ADAM23: variants seen among roughly 807,000 people sequenced by gnomAD.
ADAM23 encodes the protein ADAM metallopeptidase domain 23.
A neutral mutation model predicts 120.1 loss-of-function variants in ADAM23; 33 were observed. That is an observed-to-expected ratio of 0.27 (90% CI 0.21 to 0.37). The LOEUF is 0.37. Ranked by LOEUF, ADAM23 falls within the 10% of genes least tolerant of loss-of-function variation. ADAM23 has a pLI of 1.00. For missense variants in ADAM23, 862 were observed against 1,058.2 expected (o/e 0.81, Z 2.57); for synonymous variants, 367 against 375.2 (o/e 0.98, Z 0.25).
intron 4 of ADAM23, among the ~76,000 whole-genome samples, chr2:206,539,088 A>G (rs1291420192): frequency 1.3e-5 from 2 of 152,190 alleles, no homozygotes; most frequent in African/African-American, 4.8e-5. Context: ...GTAGGTTCCA[A>G]TGGGATTCTG....
chr2:206,596,760 C>T (rs1251189771), intron 24 of ADAM23, among the ~76,000 whole-genome samples: 3 of 152,114 alleles, frequency 2.0e-5, no homozygotes, highest in South Asian at 2.1e-4. Context: ...TCTCTATTTT[C>T]GCAGATGAGA....
Position 206,594,772 on chromosome 2 carries a change from T to C in ADAM23, c.2114T>C (p.Val705Ala). The C allele has an allele frequency of 6.2e-7, 1 of 1,614,212 alleles. No homozygotes were observed. Among genetic ancestry groups the C allele is most frequent in the Non-Finnish European group, 8.5e-7 (1 of 1,180,024 alleles). ...GTAGTTTTAGATGATGATACGGATG[T>C]GGGCTATGTAGAAGATGGAACGCCA... ...AHVVLDDDTDVGYVEDGTPCG... is the reference protein window; with the variant it reads ...AHVVLDDDTDAGYVEDGTPCG... Residue 705 changes from valine (V) to alanine (A), a missense_variant, in exon 23 of 26, where the codon GTG becomes GCG. Around this residue, in one of 4 missense-constraint regions of ADAM23, gnomAD observed 617 missense variants for 813.5 expected, o/e 0.76. Transcript: ENST00000264377.
At chr2:206,541,393 C>T (rs976549963) in intron 4 of ADAM23, among the ~76,000 whole-genome samples, 1 of 151,910 alleles carries the variant, frequency 6.6e-6, no homozygotes, top group Non-Finnish European at 1.5e-5. Flanking sequence ...TTTCGAGATC[C>T]TATATTAGGT....
intron 3 of ADAM23, among the ~76,000 whole-genome samples, chr2:206,523,638 T>A (rs576041919): frequency 7.2e-5 from 11 of 152,214 alleles, no homozygotes; most frequent in South Asian, 4.1e-4. Context: ...ATTTTTTTTT[T>A]AAAACTTTAG....
At chr2:206,570,069 A>G (rs962912728) in intron 15 of ADAM23, among the ~76,000 whole-genome samples, 4 of 152,190 alleles carry the variant, frequency 2.6e-5, no homozygotes, top group Admixed American at 1.3e-4. Context: ...CAGTTGCTCT[A>G]TAATATAGTT....
chr2:206,551,076 G>A (rs771495577), intron 9 of ADAM23, among the ~76,000 whole-genome samples: 21 of 152,246 alleles, frequency 1.4e-4, no homozygotes, highest in Admixed American at 2.6e-4. Context: ...ATACTTAACC[G>A]TTTCCTTTAT....
intron 2 of ADAM23, among the ~76,000 whole-genome samples, chr2:206,472,783 A>G (rs926261983): frequency 6.6e-6 from 1 of 152,326 alleles, no homozygotes; most frequent in Non-Finnish European, 1.5e-5. Context: ...TTTCTGTACC[A>G]TCAGATCGCA....
intron 2 of ADAM23, among the ~76,000 whole-genome samples, chr2:206,477,178 A>G (rs1238813813): frequency 6.6e-6 from 1 of 152,212 alleles, no homozygotes; most frequent in East Asian, 1.9e-4. Context: ...GTGAGAAACA[A>G]GTCTTAGCCG....
In ADAM23 at chr2:206,620,986, G is replaced by T. The variant is rs1185147847; in HGVS notation, c.*3359G>T. ...GTTAGTTTCCATTTTCAAGTGCTTT[G>T]TAATTTTTTAAGTGCACTACCTGAA... On this transcript the variant is annotated 3_prime_UTR_variant, in exon 26 of 26. Coordinates refer to ENST00000264377, the MANE Select transcript of ADAM23 (RefSeq NM_003812.4). 1 of 152,036 alleles carries T rather than the reference G, an allele frequency of 6.6e-6. No individual in the cohort carries two copies. Among genetic ancestry groups the T allele is most frequent in the African/African-American group, 2.4e-5 (1 of 41,412 alleles). 9.4% of individuals were successfully genotyped at this position (152,036 alleles called of 1,614,324 possible).
At chr2:206,596,673 T>C (rs908240179) in intron 24 of ADAM23, among the ~76,000 whole-genome samples, 2 of 152,174 alleles carry the variant, frequency 1.3e-5, no homozygotes, top group African/African-American at 4.8e-5. Context: ...TCTGGACCTT[T>C]GTTTTAATCA....
At chr2:206,466,296 A>G (rs1695541014) in intron 2 of ADAM23, among the ~76,000 whole-genome samples, 2 of 152,192 alleles carry the variant, frequency 1.3e-5, no homozygotes, top group Admixed American at 1.3e-4. Flanking sequence ...TTTAACATGT[A>G]TGTGCAAGAC....
chr2:206,558,861 A>G (rs1261423307), intron 10 of ADAM23, among the ~76,000 whole-genome samples: 10 of 152,232 alleles, frequency 6.6e-5, no homozygotes, highest in Non-Finnish European at 1.0e-4. Context: ...AATAGCTTCA[A>G]TTTGATTTAG....
chr2:206,562,118 G>T, intron 12 of ADAM23, 85 bp from the exon 13 acceptor site: 1 of 1,166,626 alleles, frequency 8.6e-7, no homozygotes, highest in East Asian at 2.4e-5. Context: ...GAACTGAGAA[G>T]ATTTGTGGTA....
intron 6 of ADAM23, among the ~76,000 whole-genome samples, chr2:206,543,811 T>C (rs1203446907): frequency 1.3e-5 from 2 of 151,802 alleles, no homozygotes; most frequent in Non-Finnish European, 2.9e-5. Flanking sequence ...TAAAAAGGAA[T>C]GAAATAATGG....
At chr2:206,529,978 AT>A (rs1697018396) in intron 3 of ADAM23, among the ~76,000 whole-genome samples, 1 of 152,046 alleles carries the variant, frequency 6.6e-6, no homozygotes, top group African/African-American at 2.4e-5. Context: ...CGCGCGGCTA[AT>A]TTTTGTATTT....
At chr2:206,507,640 G>T (rs1696522767) in intron 3 of ADAM23, among the ~76,000 whole-genome samples, 2 of 152,144 alleles carry the variant, frequency 1.3e-5, no homozygotes, top group Non-Finnish European at 2.9e-5. Flanking sequence ...AATACAGTAG[G>T]ATTTATTGTA....
chr2:206,501,453 C>T (rs1329285310), intron 3 of ADAM23, among the ~76,000 whole-genome samples: 6 of 152,038 alleles, frequency 3.9e-5, no homozygotes, highest in African/African-American at 1.4e-4. Context: ...GTTATCAGCA[C>T]CTCCTGGAAA....
At chr2:206,513,017 T>C (rs1464273869) in intron 3 of ADAM23, among the ~76,000 whole-genome samples, 1 of 152,214 alleles carries the variant, frequency 6.6e-6, no homozygotes, top group African/African-American at 2.4e-5. Context: ...TAAATGTGTA[T>C]GTCCTGGCTT....
At chr2:206,488,759 A>C (rs1574493431) in intron 3 of ADAM23, among the ~76,000 whole-genome samples, 2 of 152,204 alleles carry the variant, frequency 1.3e-5, no homozygotes, top group East Asian at 1.9e-4. Flanking sequence ...TGCCAAGGGC[A>C]TAGTGGCAGG....
Sources: allele counts gnomAD v4.1 joint callset (sites outside exome capture counted in the v4.1 genomes callset), GRCh38; gene constraint gnomAD v4.1.1; regional missense constraint gnomAD v4.1.1; transcripts MANE v1.5; gene names NCBI Gene and HGNC (gene_info 2026-07-23, HGNC 2026-07-21).